The following ANGPT2 variants were observed in gnomAD, a reference collection of about 807,000 sequenced individuals.
ANGPT2 encodes angiopoietin 2.
In ANGPT2, 28 loss-of-function variants were observed where a neutral mutation model predicts 62.9. That is an observed-to-expected ratio of 0.44 (90% CI 0.33 to 0.61). The LOEUF (loss-of-function observed/expected upper bound fraction) is 0.61, where lower values mean the gene tolerates loss of function less well. ANGPT2 is among the 20% of genes least tolerant of loss of function. The probability of loss-of-function intolerance (pLI) is 0.03; values close to 1 mark genes in which losing one functional copy is unlikely to be tolerated. For synonymous variants in ANGPT2, 284 were observed against 207.8 expected (o/e 1.37, Z -3.15); for missense variants, 727 against 594.9 (o/e 1.22, Z -2.31).
chr8:6,510,135 C>G (rs1400345612), intron 7 of ANGPT2, among the ~76,000 whole-genome samples: 1 of 150,086 alleles, frequency 6.7e-6, no homozygotes, highest in Admixed American at 6.6e-5. Context: ...AGGGAGAAGA[C>G]AATATTTTTG....
intron 8 of ANGPT2, among the ~76,000 whole-genome samples, chr8:6,507,111 T>G (rs1273208695): frequency 2.0e-5 from 3 of 152,206 alleles, no homozygotes; most frequent in Non-Finnish European, 4.4e-5. Flanking sequence ...TTGGCCAGGC[T>G]GGTCTCAAAC....
chr8:6,531,090 G>T (rs1397172384), intron 2 of ANGPT2, among the ~76,000 whole-genome samples: 3 of 152,158 alleles, frequency 2.0e-5, no homozygotes, highest in Non-Finnish European at 4.4e-5. Context: ...CAGAAAGCGG[G>T]CTTGGCCGCC....
chr8:6,557,797 G>T (rs1433668853), intron 1 of ANGPT2, among the ~76,000 whole-genome samples: 1 of 152,006 alleles, frequency 6.6e-6, no homozygotes, highest in South Asian at 2.1e-4. Flanking sequence ...ATTGTGAACA[G>T]CTAATTGGAA....
At chr8:6,558,979 C>A (rs1009839656) in intron 1 of ANGPT2, among the ~76,000 whole-genome samples, 1 of 152,060 alleles carries the variant, frequency 6.6e-6, no homozygotes, top group Non-Finnish European at 1.5e-5. Context: ...CATAGTGAAA[C>A]TGTCTCTTCT....
chr8:6,516,251 C>G (rs1461939206), intron 5 of ANGPT2, among the ~76,000 whole-genome samples: 1 of 152,234 alleles, frequency 6.6e-6, no homozygotes, highest in Non-Finnish European at 1.5e-5. Flanking sequence ...CATTGCTACA[C>G]ACCACTCTCA....
intron 1 of ANGPT2, among the ~76,000 whole-genome samples, chr8:6,532,866 A>G (rs1052964009): frequency 7.2e-5 from 11 of 152,178 alleles, no homozygotes; most frequent in Admixed American, 7.2e-4. Context: ...CTGACCATGC[A>G]GTCAGGAAAT....
At chr8:6,531,648 C>G (rs983111023) in intron 2 of ANGPT2, among the ~76,000 whole-genome samples, 4 of 152,182 alleles carry the variant, frequency 2.6e-5, no homozygotes, top group African/African-American at 7.2e-5. Flanking sequence ...CTCATAGAAT[C>G]TCACAGTGGA....
intron 7 of ANGPT2, among the ~76,000 whole-genome samples, chr8:6,509,298 A>G (rs1814454187): frequency 6.6e-6 from 1 of 152,252 alleles, no homozygotes; most frequent in African/African-American, 2.4e-5. Flanking sequence ...TCACTTGCAC[A>G]ACTATCAGAA....
At chr8:6,509,341 C>A (rs1814464236) in intron 7 of ANGPT2, among the ~76,000 whole-genome samples, 1 of 152,208 alleles carries the variant, frequency 6.6e-6, no homozygotes, top group Non-Finnish European at 1.5e-5. Flanking sequence ...TATTTTCCTG[C>A]TGCTTTCAGA....
intron 1 of ANGPT2, among the ~76,000 whole-genome samples, chr8:6,551,567 A>G (rs973902388): frequency 6.6e-6 from 1 of 152,152 alleles, no homozygotes; most frequent in African/African-American, 2.4e-5. Flanking sequence ...AATTTTTTTT[A>G]ACTCATAACA....
chr8:6,520,058 G>C (rs2922898), intron 4 of ANGPT2, 67 bp from the exon 5 acceptor site: 94,682 of 1,567,834 alleles, frequency 0.06, 3,350 homozygotes, highest in African/African-American at 0.15. Context: ...GTTATTTCAA[G>C]AGCCAATCAT....
chr8:6,523,248 CT>C (rs1817703967), intron 3 of ANGPT2, among the ~76,000 whole-genome samples: 1 of 152,184 alleles, frequency 6.6e-6, no homozygotes, highest in African/African-American at 2.4e-5. Flanking sequence ...CCGCCCGCCC[CT>C]GCCTCCCAAA....
chr8:6,515,443 G>A (rs1015300953), intron 5 of ANGPT2, among the ~76,000 whole-genome samples: 5 of 152,114 alleles, frequency 3.3e-5, no homozygotes, highest in South Asian at 2.1e-4. Context: ...ATGACTTCAC[G>A]CTTCTCTGTA....
intron 5 of ANGPT2, among the ~76,000 whole-genome samples, chr8:6,515,745 A>C (rs1816140448): frequency 6.6e-6 from 1 of 152,250 alleles, no homozygotes; most frequent in East Asian, 1.9e-4. Flanking sequence ...GTTAAGGTTC[A>C]AAACCAATTG....
intron 1 of ANGPT2, among the ~76,000 whole-genome samples, chr8:6,536,375 A>G (rs1169761392): frequency 6.7e-6 from 1 of 149,340 alleles, no homozygotes; most frequent in Non-Finnish European, 1.5e-5. Flanking sequence ...AGCTCAACCC[A>G]GAGGCCGCTT....
At chr8:6,538,042 T>A (rs2959808) in intron 1 of ANGPT2, among the ~76,000 whole-genome samples, 117,757 of 152,130 alleles carry the variant, frequency 0.77, 46,087 homozygotes, top group Middle Eastern at 0.84. Context: ...CCTTGGAAAC[T>A]TTTTACTGTT....
chr8:6,562,578 T>TTTTTTTTAA, intron 1 of ANGPT2, 69 bp downstream of exon 1: 1 of 880,188 alleles, frequency 1.1e-6, no homozygotes, highest in Non-Finnish European at 1.6e-6. Context: ...TTTTGGTTGT[T>TTTTTTTTAA]AAAACCTGAG....
intron 2 of ANGPT2, among the ~76,000 whole-genome samples, 198 bp from the exon 3 acceptor site, chr8:6,527,874 T>G (rs1214265511): frequency 6.6e-6 from 1 of 151,848 alleles, no homozygotes; most frequent in Non-Finnish European, 1.5e-5. Flanking sequence ...GTGTTAAACC[T>G]TTTTACTCTT....
chr8:6,540,565 GAGCAA>G, intron 1 of ANGPT2, among the ~76,000 whole-genome samples: 1 of 152,188 alleles, frequency 6.6e-6, no homozygotes, highest in Admixed American at 6.5e-5. Flanking sequence ...GGAAGATGAG[GAGCAA>G]ATACAGTGCA....
Sources: gnomAD v4.1 joint callset for allele counts (sites outside exome capture counted in the v4.1 genomes callset) on GRCh38, gnomAD v4.1.1 for gene constraint, MANE v1.5 for transcripts, NCBI Gene and HGNC (gene_info 2026-07-23, HGNC 2026-07-21) for gene names.